STON2: variants seen among roughly 807,000 people sequenced by gnomAD.
STON2 encodes stonin-2.
STON2 carries 29 observed loss-of-function variants against 65.7 expected under a neutral mutation model. The ratio of observed to expected loss-of-function variants is 0.44; its 90% CI spans 0.33 to 0.60. The LOEUF (loss-of-function observed/expected upper bound fraction) is 0.60. Among genes scored for constraint, STON2 ranks in the 20% least tolerant of loss-of-function variants. The pLI is 0.03. For synonymous variants in STON2, 404 were observed against 414.2 expected (o/e 0.98, Z 0.30); for missense variants, 1,054 against 1,118.1 (o/e 0.94, Z 0.82).
intron 4 of STON2, among the ~76,000 whole-genome samples, chr14:81,328,992 C>T (rs1413224980): frequency 6.6e-6 from 1 of 152,170 alleles, no homozygotes; most frequent in Non-Finnish European, 1.5e-5. Context: ...ATTACAGTCT[C>T]AGGTATCCCT....
chr14:81,414,082 T>C (rs1901302393), intron 2 of STON2, among the ~76,000 whole-genome samples: 1 of 139,410 alleles, frequency 7.2e-6, no homozygotes, highest in South Asian at 2.4e-4. Context: ...GACTTACTGA[T>C]GGATGTCTCA....
At chr14:81,326,476 T>C (rs1205430650) in intron 4 of STON2, among the ~76,000 whole-genome samples, 1 of 151,546 alleles carries the variant, frequency 6.6e-6, no homozygotes, top group Non-Finnish European at 1.5e-5. Context: ...TATACCTTGT[T>C]ATACTGTCTC....
At chr14:81,372,682 A>AC (rs1899061174) in intron 3 of STON2, among the ~76,000 whole-genome samples, 2 of 152,258 alleles carry the variant, frequency 1.3e-5, no homozygotes, top group South Asian at 4.1e-4. Flanking sequence ...TGTATTGAGT[A>AC]CCCATCAAAT....
At chr14:81,425,648 CA>C (rs574222175) in intron 2 of STON2, among the ~76,000 whole-genome samples, 1 of 151,958 alleles carries the variant, frequency 6.6e-6, no homozygotes, top group Non-Finnish European at 1.5e-5. Flanking sequence ...CTCATGGTGG[CA>C]AAGAGCAAAC....
intron 4 of STON2, among the ~76,000 whole-genome samples, chr14:81,334,239 G>A (rs1897298973): frequency 6.6e-6 from 1 of 152,240 alleles, no homozygotes; most frequent in South Asian, 2.1e-4. Context: ...GAAGTGCTGA[G>A]TGCAAGAAGC....
chr14:81,327,784 T>G (rs1225718736), intron 4 of STON2, among the ~76,000 whole-genome samples: 4 of 152,186 alleles, frequency 2.6e-5, no homozygotes, highest in African/African-American at 7.2e-5. Context: ...TAAAATCTAT[T>G]TTACTGAGAT....
At chr14:81,415,529 G>A (rs1004888276) in intron 2 of STON2, among the ~76,000 whole-genome samples, 13 of 151,958 alleles carry the variant, frequency 8.6e-5, no homozygotes, top group African/African-American at 3.1e-4. Context: ...AATTAGATGG[G>A]TGTGGTGGTG....
At chr14:81,314,884 T>C (rs1896562053) in intron 5 of STON2, among the ~76,000 whole-genome samples, 1 of 152,148 alleles carries the variant, frequency 6.6e-6, no homozygotes, top group African/African-American at 2.4e-5. Context: ...GGGGTATTAC[T>C]CTGTTGCCCA....
chr14:81,381,902 T>C (rs1899538911), intron 3 of STON2, among the ~76,000 whole-genome samples: 1 of 152,144 alleles, frequency 6.6e-6, no homozygotes, highest in Non-Finnish European at 1.5e-5. Context: ...ATAATGCTCA[T>C]GGAAGTGCAT....
chr14:81,298,385 C>T (rs902480167), intron 5 of STON2, among the ~76,000 whole-genome samples: 6 of 146,606 alleles, frequency 4.1e-5, no homozygotes, highest in African/African-American at 1.5e-4. Flanking sequence ...CCTCTAGCTC[C>T]AGGCCTCTAA....
chr14:81,306,241 T>A (rs1264625646), intron 5 of STON2, among the ~76,000 whole-genome samples: 3 of 131,164 alleles, frequency 2.3e-5, no homozygotes, highest in African/African-American at 8.6e-5. Flanking sequence ...TTTTTTTTTT[T>A]TTTTTTGAGA....
chr14:81,377,754 T>C (rs577318351), intron 3 of STON2, among the ~76,000 whole-genome samples: 60 of 152,224 alleles, frequency 3.9e-4, no homozygotes, highest in Non-Finnish European at 6.8e-4. Flanking sequence ...ATTTCCCTAA[T>C]GGATAATGAT....
intron 2 of STON2, among the ~76,000 whole-genome samples, chr14:81,409,989 CTTTGT>C (rs1901070326): frequency 2.6e-5 from 4 of 151,994 alleles, no homozygotes; most frequent in Admixed American, 2.6e-4. Flanking sequence ...TATTTTTTAT[CTTTGT>C]TTTGTTTTGC....
chr14:81,408,893 C>T (rs1171233193), intron 2 of STON2, among the ~76,000 whole-genome samples: 1 of 152,188 alleles, frequency 6.6e-6, no homozygotes, highest in African/African-American at 2.4e-5. Flanking sequence ...GTTTGCAAAA[C>T]ATTTTCCAGT....
At chr14:81,292,839 T>C (rs148577710) in intron 5 of STON2, among the ~76,000 whole-genome samples, 4 of 152,288 alleles carry the variant, frequency 2.6e-5, no homozygotes, top group African/African-American at 4.8e-5. Flanking sequence ...TTGCCCTTAA[T>C]AAATTCTTAA....
chr14:81,408,166 C>T (rs906891817), intron 2 of STON2, among the ~76,000 whole-genome samples: 3 of 152,032 alleles, frequency 2.0e-5, no homozygotes, highest in Admixed American at 6.6e-5. Flanking sequence ...CACGCGCACA[C>T]ACACACACAT....
In STON2 at chr14:81,356,460, TAA is replaced by T. The variant is rs1595389084; in HGVS notation, c.571+14526_571+14527del. ...TCAATGTTCATCAAGGATATTGGTC[TAA>T]AATTCTCTTTTTTTGTTGTGTCTCT... On this transcript the variant is annotated intron_variant, in intron 4 of 7. Transcript: ENST00000614646. Among the ~76,000 whole-genome samples, 20 of 152,274 alleles carry T rather than the reference TAA, an allele frequency of 1.3e-4. No homozygotes were observed. The East Asian group carries it at 3.9e-3, about 29-fold the overall frequency.
intron 5 of STON2, among the ~76,000 whole-genome samples, chr14:81,294,318 TACC>T (rs1895676959): frequency 6.6e-6 from 1 of 152,206 alleles, no homozygotes; most frequent in Non-Finnish European, 1.5e-5. Flanking sequence ...TTAGGACCCT[TACC>T]AGAAGAATTT....
intron 5 of STON2, among the ~76,000 whole-genome samples, chr14:81,292,189 A>G (rs757398116): frequency 1.3e-5 from 2 of 152,156 alleles, no homozygotes; most frequent in Non-Finnish European, 2.9e-5. Context: ...CAGCATTCCA[A>G]TTCTGCACAA....
Sources: allele counts gnomAD v4.1 joint callset (sites outside exome capture counted in the v4.1 genomes callset), GRCh38; gene constraint gnomAD v4.1.1; transcripts MANE v1.5; gene names NCBI Gene and HGNC (gene_info 2026-07-23, HGNC 2026-07-21).